The following LGR5 variants were observed in gnomAD, a reference collection of about 807,000 sequenced individuals.
The protein encoded by LGR5 is leucine rich repeat containing G protein-coupled receptor 5, also known as leucine-rich repeat-containing G protein-coupled receptor 5.
A neutral mutation model predicts 76.7 loss-of-function variants in LGR5; 54 were observed. That is an observed-to-expected ratio of 0.70 (90% CI 0.57 to 0.88). The LOEUF (loss-of-function observed/expected upper bound fraction) is 0.88, where lower values mean the gene tolerates loss of function less well. Among genes scored for constraint, LGR5 ranks in the 40% least tolerant of loss-of-function variants. LGR5 has a pLI of 0.00. For synonymous variants in LGR5, 406 were observed against 421.9 expected, an observed-to-expected ratio of 0.96 and a Z score of 0.46; for missense variants, 1,078 against 1,073.3, an observed-to-expected ratio of 1.00 and a Z score of -0.06.
chr12:71,463,589 G>A (rs777625462), intron 1 of LGR5, among the ~76,000 whole-genome samples: 1 of 152,142 alleles, frequency 6.6e-6, no homozygotes, highest in Admixed American at 6.5e-5. Flanking sequence ...ATCAGTAAAT[G>A]TCAACCATTA....
chr12:71,471,432 G>A (rs960805044), intron 1 of LGR5, among the ~76,000 whole-genome samples: 11 of 152,172 alleles, frequency 7.2e-5, no homozygotes, highest in African/African-American at 2.4e-4. Context: ...GAGACAGAAG[G>A]CAGATTATGT....
At chr12:71,544,316 C>CTTTTTTTT (rs5799045) in intron 4 of LGR5, among the ~76,000 whole-genome samples, 1 of 34,866 alleles carries the variant, frequency 2.9e-5, no homozygotes, top group Non-Finnish European at 5.7e-5. Context: ...TCTTCTTCTT[C>CTTTTTTTT]TTTTTTTTTT....
chr12:71,558,872 A>G (rs1232364490), intron 6 of LGR5, among the ~76,000 whole-genome samples: 1 of 152,258 alleles, frequency 6.6e-6, no homozygotes, highest in East Asian at 1.9e-4. Context: ...CAATTGTGCT[A>G]TAACAGATAC....
intron 2 of LGR5, among the ~76,000 whole-genome samples, chr12:71,513,072 C>T (rs1003703988): frequency 2.6e-5 from 4 of 152,030 alleles, no homozygotes; most frequent in Admixed American, 6.6e-5. Context: ...GTCTGGTTCC[C>T]TGGGTCAGGA....
At chr12:71,477,195 C>T (rs1489318459) in intron 1 of LGR5, among the ~76,000 whole-genome samples, 2 of 152,104 alleles carry the variant, frequency 1.3e-5, no homozygotes, top group African/African-American at 4.8e-5. Flanking sequence ...CCTTAGCTCA[C>T]ACAGCCAGGC....
chr12:71,541,194 G>T (rs569794224), intron 4 of LGR5, among the ~76,000 whole-genome samples: 2 of 152,172 alleles, frequency 1.3e-5, no homozygotes, highest in African/African-American at 4.8e-5. Context: ...AACAGGAAAA[G>T]CTCCTTCTAC....
At chr12:71,516,392 G>C (rs972685061) in intron 2 of LGR5, among the ~76,000 whole-genome samples, 1 of 152,020 alleles carries the variant, frequency 6.6e-6, no homozygotes, top group Non-Finnish European at 1.5e-5. Context: ...ATCTAGCCAG[G>C]CCCCCTCGCT....
chr12:71,580,402 G>A lies in LGR5; in HGVS notation c.1531G>A (p.Ala511Thr). The A allele has an allele frequency of 6.2e-7, 1 of 1,613,566 alleles. No homozygotes were observed. The highest frequency in any genetic ancestry group is 8.5e-7 in the Non-Finnish European group (1 of 1,179,800). The change falls in exon 16 of 18, where the codon GCT becomes ACT. Residue 511 changes from alanine (A) to threonine (T), a missense_variant. Transcript: ENST00000266674. ...TATGGACGACCTTCATAAGAAAGAT[G>A]CTGGAATGTTTCAGGCTCAAGGTAG... ...SSMDDLHKKD[A>T]GMFQAQDERD...
At chr12:71,545,507 A>G (rs1737716228) in intron 4 of LGR5, among the ~76,000 whole-genome samples, 1 of 152,190 alleles carries the variant, frequency 6.6e-6, no homozygotes, top group South Asian at 2.1e-4. Flanking sequence ...TATCAGTCAT[A>G]AAAATGCATT....
chr12:71,528,326 C>T (rs569738624), intron 3 of LGR5, among the ~76,000 whole-genome samples: 24 of 152,016 alleles, frequency 1.6e-4, no homozygotes, highest in African/African-American at 4.8e-4. Flanking sequence ...GGCATGGTGG[C>T]GAACACCTGT....
At chr12:71,443,244 C>G (rs1007361118) in intron 1 of LGR5, among the ~76,000 whole-genome samples, 1 of 152,314 alleles carries the variant, frequency 6.6e-6, no homozygotes, top group Middle Eastern at 3.4e-3. Flanking sequence ...TTTCCTACAT[C>G]TCTTCACAGA....
At chr12:71,487,732 A>G (rs1304591011) in intron 1 of LGR5, among the ~76,000 whole-genome samples, 1 of 152,194 alleles carries the variant, frequency 6.6e-6, no homozygotes, top group African/African-American at 2.4e-5. Flanking sequence ...CAAGGATATC[A>G]TGGTCATGTT....
chr12:71,451,905 C>CT (rs1872266470), intron 1 of LGR5, among the ~76,000 whole-genome samples: 1 of 152,122 alleles, frequency 6.6e-6, no homozygotes, highest in Non-Finnish European at 1.5e-5. Flanking sequence ...AAACCCACAA[C>CT]CCCACAACCA....
At chr12:71,487,875 G>A (rs192455619) in intron 1 of LGR5, among the ~76,000 whole-genome samples, 7 of 152,284 alleles carry the variant, frequency 4.6e-5, no homozygotes, top group South Asian at 2.1e-4. Flanking sequence ...TTTTCTATGC[G>A]TAAGGATAAA....
At chr12:71,488,873 A>G (rs1218081438) in intron 1 of LGR5, among the ~76,000 whole-genome samples, 1 of 152,210 alleles carries the variant, frequency 6.6e-6, no homozygotes, top group East Asian at 1.9e-4. Context: ...TGGTAATGCC[A>G]TTGGATTTGT....
At chr12:71,444,177 G>A (rs1198898145) in intron 1 of LGR5, among the ~76,000 whole-genome samples, 1 of 151,946 alleles carries the variant, frequency 6.6e-6, no homozygotes, top group East Asian at 1.9e-4. Flanking sequence ...AAAAGAAAAT[G>A]TACTTTAGAA....
chr12:71,475,695 T>G (rs1376161344), intron 1 of LGR5, among the ~76,000 whole-genome samples: 3 of 152,162 alleles, frequency 2.0e-5, no homozygotes, highest in African/African-American at 7.2e-5. Flanking sequence ...AGTTTAAGTG[T>G]CAGGGCCTCT....
rs760505035 is a variant in LGR5 at position 71,472,806 on chromosome 12, C to CGA, written c.213-31808_213-31807insGA. 8.2e-4 allele frequency among the ~76,000 whole-genome samples: 125 copies of CGA among 152,224 alleles called. 1 individual carries two copies. Among genetic ancestry groups the CGA allele is most frequent in the Non-Finnish European group, 1.5e-3 (102 of 68,034 alleles). ...ATACTGGCTAAACAAGAGCTTCTAACATCTGACTTCCATCACTCTAGTCAG... is the reference window on the plus strand; with the variant it reads ...ATACTGGCTAAACAAGAGCTTCTAACGAATCTGACTTCCATCACTCTAGTCAG... On this transcript the variant is annotated intron_variant, in intron 1 of 17. Coordinates refer to ENST00000266674, the MANE Select transcript of LGR5 (RefSeq NM_003667.4).
At chr12:71,556,149 A>G (rs1015818886) in intron 5 of LGR5, among the ~76,000 whole-genome samples, 5 of 152,160 alleles carry the variant, frequency 3.3e-5, no homozygotes, top group African/African-American at 1.2e-4. Flanking sequence ...AGAGGGGAAC[A>G]ACACACGCTG....
Sources: gnomAD v4.1 joint callset for allele counts (sites outside exome capture counted in the v4.1 genomes callset) on GRCh38, gnomAD v4.1.1 for gene constraint, MANE v1.5 for transcripts, NCBI Gene and HGNC (gene_info 2026-07-23, HGNC 2026-07-21) for gene names.